The following ACOXL variants were observed in gnomAD, a reference collection of about 807,000 sequenced individuals.
ACOXL encodes the protein acyl-coenzyme A oxidase-like protein.
ACOXL carries 70 observed loss-of-function variants against 71.9 expected under a neutral mutation model. The ratio of observed to expected loss-of-function variants is 0.97; its 90% confidence interval spans 0.80 to 1.19. The LOEUF (loss-of-function observed/expected upper bound fraction) is 1.19, where lower values mean the gene tolerates loss of function less well. ACOXL is among the 50% of genes most tolerant of loss of function. ACOXL has a pLI of 0.00. For synonymous variants in ACOXL, 253 were observed against 281.6 expected (o/e 0.90, Z 1.02); for missense variants, 703 against 736.3 (o/e 0.95, Z 0.52).
At chr2:111,016,009 T>G (rs532926145) in intron 14 of ACOXL, among the ~76,000 whole-genome samples, 5 of 152,266 alleles carry the variant, frequency 3.3e-5, no homozygotes, top group South Asian at 2.1e-4. Flanking sequence ...CATAGATCAC[T>G]TCAACCTCTA....
chr2:111,098,866 C>T (rs1416225724), intron 17 of ACOXL: 2 of 152,184 alleles, frequency 1.3e-5, no homozygotes, highest in Non-Finnish European at 2.9e-5. Context: ...TACCGACGCT[C>T]CAGTCTGATG....
chr2:111,088,618 C>T (rs1465537391), intron 16 of ACOXL, among the ~76,000 whole-genome samples: 1 of 151,998 alleles, frequency 6.6e-6, no homozygotes, highest in African/African-American at 2.4e-5. Context: ...ACAACAGACA[C>T]CGGGGCCAAC....
intron 14 of ACOXL, among the ~76,000 whole-genome samples, chr2:111,030,454 A>G (rs975634295): frequency 8.6e-5 from 13 of 152,046 alleles, no homozygotes; most frequent in African/African-American, 2.4e-4. Flanking sequence ...CGAGGCACCC[A>G]TGACATTGTC....
chr2:111,060,928 G>A lies in ACOXL; in HGVS notation c.1440+11640G>A, dbSNP rs142062778. Among the ~76,000 whole-genome samples, 324 of 152,172 alleles carry A rather than the reference G, an allele frequency of 2.1e-3. 2 individuals carry two copies. Among genetic ancestry groups the A allele is most frequent in the African/African-American group, 7.4e-3 (308 of 41,536 alleles). ...AGCAGAATGGAGAGAACAGAGGAAA[G>A]AATAAGTGAACTGGAAGATACAATA... On this transcript the variant is annotated intron_variant, in intron 16 of 17. Transcript: ENST00000439055.
intron 2 of ACOXL, among the ~76,000 whole-genome samples, chr2:110,775,430 G>T (rs925600161): frequency 6.6e-6 from 1 of 151,928 alleles, no homozygotes; most frequent in African/African-American, 2.4e-5. Context: ...TGCATCAAGG[G>T]ACACTATCAA....
chr2:110,898,326 T>C (rs1480932533), intron 10 of ACOXL, among the ~76,000 whole-genome samples: 1 of 152,112 alleles, frequency 6.6e-6, no homozygotes, highest in Non-Finnish European at 1.5e-5. Context: ...TTCATGAATA[T>C]AGATACAAAA....
chr2:110,963,675 T>C (rs762245332), intron 12 of ACOXL: 1 of 1,614,076 alleles, frequency 6.2e-7, no homozygotes, highest in Admixed American at 1.7e-5. Flanking sequence ...CACAGATGTG[T>C]TTGCCACTTT....
chr2:111,002,443 T>A (rs1211407285), intron 14 of ACOXL, among the ~76,000 whole-genome samples: 1 of 152,242 alleles, frequency 6.6e-6, no homozygotes, highest in Non-Finnish European at 1.5e-5. Flanking sequence ...CATTTAATAA[T>A]ATAATGTGGT....
At chr2:111,005,986 G>T (rs1260975948) in intron 14 of ACOXL, among the ~76,000 whole-genome samples, 1 of 152,200 alleles carries the variant, frequency 6.6e-6, no homozygotes, top group Non-Finnish European at 1.5e-5. Flanking sequence ...CAATACAGCG[G>T]TCTGAATGGC....
At chr2:110,945,822 T>C (rs1033768438) in intron 12 of ACOXL, among the ~76,000 whole-genome samples, 1 of 152,212 alleles carries the variant, frequency 6.6e-6, no homozygotes, top group Non-Finnish European at 1.5e-5. Flanking sequence ...CCTTAGCTAT[T>C]CAGGCTCTCT....
In ACOXL at chr2:110,907,750, G is replaced by A. The variant is rs552056355; in HGVS notation, c.789-1039G>A. Among the ~76,000 whole-genome samples the A allele has an allele frequency of 7.2e-5, 11 of 152,292 alleles. No individual in the cohort carries two copies. The East Asian group carries it at 2.1e-3, about 29-fold the overall frequency. On this transcript the variant is annotated intron_variant, in intron 10 of 17. Transcript: ENST00000439055. ...CATGACAGCACCAGACTTATGAGAT[G>A]CCTTAAACACTAAAAAGATTATGAT...
At chr2:110,758,455 A>G (rs923702563) in intron 1 of ACOXL, among the ~76,000 whole-genome samples, 1 of 152,170 alleles carries the variant, frequency 6.6e-6, no homozygotes, top group Non-Finnish European at 1.5e-5. Context: ...TAATGTGAAT[A>G]GCATTGAATC....
chr2:111,051,906 G>A (rs2066307037), intron 16 of ACOXL, among the ~76,000 whole-genome samples: 1 of 152,148 alleles, frequency 6.6e-6, no homozygotes, highest in South Asian at 2.1e-4. Context: ...AGCTTGTATG[G>A]CAGGCATGGT....
intron 10 of ACOXL, among the ~76,000 whole-genome samples, chr2:110,858,546 T>C (rs903911910): frequency 1.3e-5 from 2 of 152,226 alleles, no homozygotes; most frequent in Non-Finnish European, 2.9e-5. Flanking sequence ...AGCAGTCTGC[T>C]GCCTGACATT....
In ACOXL at chr2:111,084,985, G is replaced by A. The variant is rs147957557; in HGVS notation, c.1441-7880G>A. On this transcript the variant is annotated intron_variant, in intron 16 of 17. Transcript: ENST00000439055. ...AACAAAAATTTTAAAGACAAAGAAGGACATTACACAATGATAAATGATTCA... is the reference window on the plus strand; with the variant it reads ...AACAAAAATTTTAAAGACAAAGAAGAACATTACACAATGATAAATGATTCA... Among the ~76,000 whole-genome samples, 298 of 150,740 alleles carry A rather than the reference G, an allele frequency of 2.0e-3. 5 individuals are homozygous for A. In the East Asian group the frequency reaches 0.047, roughly 24 times the overall value.
intron 13 of ACOXL, among the ~76,000 whole-genome samples, chr2:110,987,538 G>A (rs1211524079): frequency 6.6e-6 from 1 of 152,132 alleles, no homozygotes; most frequent in African/African-American, 2.4e-5. Context: ...AGGCACAGAG[G>A]TTAAGTACCT....
intron 14 of ACOXL, among the ~76,000 whole-genome samples, chr2:111,029,898 G>A (rs1019886490): frequency 2.6e-5 from 4 of 152,104 alleles, no homozygotes; most frequent in East Asian, 3.9e-4. Flanking sequence ...GGGTGCAGTT[G>A]TAGCCAGCTT....
intron 8 of ACOXL, among the ~76,000 whole-genome samples, chr2:110,802,758 AGGTT>A (rs990007495): frequency 2.0e-5 from 3 of 152,090 alleles, no homozygotes; most frequent in African/African-American, 7.2e-5. Context: ...GGATGGGGAG[AGGTT>A]GGTCAATGGA....
chr2:110,930,803 C>T (rs2060452779), intron 11 of ACOXL, among the ~76,000 whole-genome samples: 1 of 152,198 alleles, frequency 6.6e-6, no homozygotes, highest in Admixed American at 6.5e-5. Context: ...CATTCTGTCT[C>T]TTGCCTGCCA....
Sources: gnomAD v4.1 joint callset for allele counts (sites outside exome capture counted in the v4.1 genomes callset) on GRCh38, gnomAD v4.1.1 for gene constraint, MANE v1.5 for transcripts, NCBI Gene and HGNC (gene_info 2026-07-23, HGNC 2026-07-21) for gene names.